Variants in COG5 observed in about 807,000 individuals in gnomAD.
COG5 encodes the protein component of oligomeric golgi complex 5, also known as conserved oligomeric Golgi complex subunit 5.
In COG5, 86 loss-of-function variants were observed where a neutral mutation model predicts 110.4. The ratio of observed to expected loss-of-function variants is 0.78; its 90% CI spans 0.65 to 0.93. COG5 has a LOEUF of 0.93. Ranked by LOEUF, COG5 falls within the 40% of genes least tolerant of loss-of-function variation. The pLI is 0.00. For synonymous variants in COG5, 360 were observed against 334.6 expected (o/e 1.08, Z -0.83); for missense variants, 1,077 against 987.0 (o/e 1.09, Z -1.22).
chr7:107,311,114 A>G (rs1562962781), intron 11 of COG5, among the ~76,000 whole-genome samples: 1 of 152,166 alleles, frequency 6.6e-6, no homozygotes, highest in East Asian at 1.9e-4. Flanking sequence ...CAGTGCATCT[A>G]TGCGATAGAT....
At chr7:107,390,862 G>A in intron 7 of COG5, among the ~76,000 whole-genome samples, 1 of 151,320 alleles carries the variant, frequency 6.6e-6, no homozygotes, top group Middle Eastern at 3.2e-3. Context: ...GAGATGTAGG[G>A]TTTCAGTCAG....
intron 10 of COG5, 141 bp from the exon 11 acceptor site, chr7:107,324,662 TATTA>T: frequency 1.8e-6 from 1 of 557,646 alleles, no homozygotes; most frequent in Non-Finnish European, 3.2e-6. Context: ...ACAATAGAAT[TATTA>T]ATTAAATGGA....
At chr7:107,206,144 G>T (rs1798767243) in intron 21 of COG5, among the ~76,000 whole-genome samples, 1 of 152,072 alleles carries the variant, frequency 6.6e-6, no homozygotes, top group African/African-American at 2.4e-5. Context: ...TGTATTTTTA[G>T]TAGAGACGGG....
intron 10 of COG5, among the ~76,000 whole-genome samples, chr7:107,326,126 C>G (rs1809743558): frequency 1.3e-5 from 2 of 152,096 alleles, no homozygotes; most frequent in South Asian, 4.2e-4. Flanking sequence ...TAAAAACACT[C>G]AACAAACTAG....
At chr7:107,485,254 C>G (rs947330495) in intron 6 of COG5, among the ~76,000 whole-genome samples, 3 of 152,138 alleles carry the variant, frequency 2.0e-5, no homozygotes, top group African/African-American at 7.2e-5. Flanking sequence ...AGCTAAAGAA[C>G]TGAACTTTCA....
At chr7:107,279,551 A>C (rs1805000110) in intron 14 of COG5, among the ~76,000 whole-genome samples, 1 of 152,182 alleles carries the variant, frequency 6.6e-6, no homozygotes, top group Non-Finnish European at 1.5e-5. Flanking sequence ...AGAACAAAAC[A>C]GGTATAATTT....
chr7:107,262,649 T>C (rs1406864819), intron 14 of COG5, among the ~76,000 whole-genome samples: 1 of 152,110 alleles, frequency 6.6e-6, no homozygotes, highest in African/African-American at 2.4e-5. Context: ...AATATCCCAT[T>C]CATGCTCCTA....
At chr7:107,328,804 T>G (rs981865645) in intron 10 of COG5, among the ~76,000 whole-genome samples, 17 of 152,064 alleles carry the variant, frequency 1.1e-4, no homozygotes, top group African/African-American at 3.6e-4. Flanking sequence ...TATTTTATTT[T>G]TATTATTTTA....
intron 3 of COG5, among the ~76,000 whole-genome samples, chr7:107,551,769 C>T (rs1461371546): frequency 6.6e-6 from 1 of 152,090 alleles, no homozygotes; most frequent in Non-Finnish European, 1.5e-5. Context: ...AAACATGCAC[C>T]ACCACGCCAA....
intron 3 of COG5, 60 bp from the exon 4 acceptor site, chr7:107,548,392 T>C (rs1802629611): frequency 6.8e-7 from 1 of 1,468,684 alleles, no homozygotes; most frequent in Non-Finnish European, 9.5e-7. Flanking sequence ...ACTGGGTAAA[T>C]AGTTAAATTA....
chr7:107,299,718 G>A (rs1002833704), intron 11 of COG5, among the ~76,000 whole-genome samples: 4 of 150,738 alleles, frequency 2.7e-5, no homozygotes, highest in South Asian at 4.2e-4. Context: ...TCCTTATCAA[G>A]ATAGGTGCAA....
At chr7:107,413,548 A>G (rs1280082915) in intron 6 of COG5, among the ~76,000 whole-genome samples, 1 of 151,918 alleles carries the variant, frequency 6.6e-6, no homozygotes, top group Non-Finnish European at 1.5e-5. Flanking sequence ...AACAAAAAAA[A>G]AAAACCAGGA....
intron 6 of COG5, among the ~76,000 whole-genome samples, chr7:107,413,743 G>A (rs1332673120): frequency 6.6e-6 from 1 of 152,176 alleles, no homozygotes; most frequent in African/African-American, 2.4e-5. Context: ...TGATGATGAT[G>A]ATGATTCCAA....
chr7:107,326,489 G>A (rs1809777303), intron 10 of COG5, among the ~76,000 whole-genome samples: 1 of 152,002 alleles, frequency 6.6e-6, no homozygotes, highest in African/African-American at 2.4e-5. Context: ...AAAAATTAGT[G>A]TGTTTCTACA....
chr7:107,415,716 ATG>A (rs1416718192), intron 6 of COG5, among the ~76,000 whole-genome samples: 1 of 149,876 alleles, frequency 6.7e-6, no homozygotes, highest in Non-Finnish European at 1.5e-5. Context: ...GTGTGCATGA[ATG>A]TATATATGTA....
intron 5 of COG5, among the ~76,000 whole-genome samples, chr7:107,534,734 C>A (rs941380244): frequency 1.3e-5 from 2 of 151,116 alleles, no homozygotes; most frequent in Admixed American, 1.3e-4. Context: ...ACATTAACAC[C>A]CCAATGTCAA....
chr7:107,256,194 T>G (rs1169832802), intron 16 of COG5, among the ~76,000 whole-genome samples: 1 of 152,204 alleles, frequency 6.6e-6, no homozygotes, highest in African/African-American at 2.4e-5. Flanking sequence ...ATTCTGGTTT[T>G]ATGCCTCAGT....
At chr7:107,405,296 C>G (rs1264649973) in intron 7 of COG5, among the ~76,000 whole-genome samples, 1 of 152,142 alleles carries the variant, frequency 6.6e-6, no homozygotes, top group East Asian at 1.9e-4. Context: ...TGACAAAGAA[C>G]AGAGACTGAA....
chr7:107,244,801 T>G (rs1456669118), intron 17 of COG5, among the ~76,000 whole-genome samples: 1 of 152,320 alleles, frequency 6.6e-6, no homozygotes, highest in African/African-American at 2.4e-5. Context: ...TTTGAATCAG[T>G]AATGAATTGC....
Sources: gnomAD v4.1 joint callset for allele counts (sites outside exome capture counted in the v4.1 genomes callset) on GRCh38, gnomAD v4.1.1 for gene constraint, MANE v1.5 for transcripts, NCBI Gene and HGNC (gene_info 2026-07-23, HGNC 2026-07-21) for gene names.